The following TPST1 variants were observed in gnomAD, a reference collection of about 807,000 sequenced individuals.
The protein encoded by TPST1 is tyrosylprotein sulfotransferase 1.
TPST1 carries 20 observed loss-of-function variants against 34.8 expected under a neutral mutation model. The ratio of observed to expected loss-of-function variants is 0.57; its 90% CI spans 0.40 to 0.84. The LOEUF is 0.84. Among genes scored for constraint, TPST1 ranks in the 40% least tolerant of loss-of-function variants. The probability of loss-of-function intolerance (pLI) is 0.00; values close to 1 mark genes in which losing one functional copy is unlikely to be tolerated. For synonymous variants in TPST1, 152 were observed against 159.4 expected, an observed-to-expected ratio of 0.95 and a Z score of 0.35; for missense variants, 353 against 455.5, an observed-to-expected ratio of 0.78 and a Z score of 2.05.
intron 3 of TPST1, among the ~76,000 whole-genome samples, chr7:66,336,723 A>G (rs1792128992): frequency 6.6e-6 from 1 of 152,238 alleles, no homozygotes; most frequent in African/African-American, 2.4e-5. Flanking sequence ...ATCTAGAGAA[A>G]GATGACACTG....
chr7:66,328,823 CCTCT>C (rs1228077085), intron 3 of TPST1, among the ~76,000 whole-genome samples: 102 of 133,868 alleles, frequency 7.6e-4, no homozygotes, highest in Middle Eastern at 4.1e-3. Context: ...GGGATCCCAG[CCTCT>C]CTCTCTCTCT....
Position 66,254,002 on chromosome 7 carries a change from CAAAAAAA to C in TPST1, c.845+12744_845+12750del, listed in dbSNP as rs60795420. On this transcript the variant is annotated intron_variant, in intron 2 of 5. Transcript: ENST00000304842. ...TGGTTGACAGAGTGAGACTCTGTTT[CAAAAAAA>C]AAAAAAAAAAAGAAAGAAAGAAAAT... Among the ~76,000 whole-genome samples the C allele has an allele frequency of 3.9e-3, 438 of 113,572 alleles. 16 individuals are homozygous for C. The East Asian group carries it at 0.11, about 28-fold the overall frequency. The allele number at this position is 113,572 out of a possible 152,430, so 74.5% of individuals were successfully genotyped here.
chr7:66,238,586 G>A (rs1026417273), intron 1 of TPST1, among the ~76,000 whole-genome samples: 3 of 152,210 alleles, frequency 2.0e-5, no homozygotes, highest in African/African-American at 7.2e-5. Context: ...TCTTTTCCAG[G>A]AAACCTCAGT....
At chr7:66,274,194 C>T (rs1344418192) in intron 2 of TPST1, among the ~76,000 whole-genome samples, 2 of 151,586 alleles carry the variant, frequency 1.3e-5, no homozygotes, top group Admixed American at 6.6e-5. Flanking sequence ...CGGTGAAACC[C>T]CATTTCTACT....
intron 2 of TPST1, among the ~76,000 whole-genome samples, chr7:66,259,334 CTTA>C (rs1307396475): frequency 2.0e-5 from 3 of 152,056 alleles, no homozygotes; most frequent in Non-Finnish European, 4.4e-5. Flanking sequence ...GTTCATAATC[CTTA>C]TTATCATTTT....
chr7:66,354,450 A>G (rs1024260340), intron 4 of TPST1, among the ~76,000 whole-genome samples: 1 of 150,616 alleles, frequency 6.6e-6, no homozygotes, highest in Non-Finnish European at 1.5e-5. Flanking sequence ...TACTAAAAAT[A>G]TAAAATAATT....
At chr7:66,216,738 G>C (rs1206586123) in intron 1 of TPST1, among the ~76,000 whole-genome samples, 1 of 152,186 alleles carries the variant, frequency 6.6e-6, no homozygotes, top group Non-Finnish European at 1.5e-5. Flanking sequence ...AAAGTGCTGG[G>C]ATTACAGGCG....
upstream of TPST1, among the ~76,000 whole-genome samples, chr7:66,204,746 G>GC (rs1276299622): frequency 6.6e-6 from 1 of 152,198 alleles, no homozygotes; most frequent in East Asian, 1.9e-4. Flanking sequence ...TAGGGCGTCA[G>GC]CCCCCCACCT....
intron 3 of TPST1, among the ~76,000 whole-genome samples, chr7:66,296,170 A>C (rs1201804293): frequency 6.6e-6 from 1 of 151,998 alleles, no homozygotes; most frequent in Non-Finnish European, 1.5e-5. Flanking sequence ...CATGTGACTA[A>C]AGAATCTATT....
chr7:66,267,876 G>T (rs1249422424), intron 2 of TPST1, among the ~76,000 whole-genome samples: 1 of 152,150 alleles, frequency 6.6e-6, no homozygotes, highest in Non-Finnish European at 1.5e-5. Context: ...TATTGTACAT[G>T]TAGCAATGAG....
At chr7:66,274,253 A>G (rs1469812520) in intron 2 of TPST1, among the ~76,000 whole-genome samples, 2 of 151,932 alleles carry the variant, frequency 1.3e-5, no homozygotes, top group African/African-American at 4.8e-5. Context: ...CTGTAATCCC[A>G]GCTACTCAGG....
chr7:66,259,359 A>C (rs1456562416), intron 2 of TPST1, among the ~76,000 whole-genome samples: 2 of 152,154 alleles, frequency 1.3e-5, no homozygotes, highest in African/African-American at 4.8e-5. Context: ...AATCCATAGA[A>C]TCTGTAGTGA....
intron 3 of TPST1, among the ~76,000 whole-genome samples, chr7:66,348,399 C>T (rs1792399206): frequency 1.3e-5 from 2 of 152,192 alleles, no homozygotes; most frequent in Non-Finnish European, 2.9e-5. Context: ...AATAATACCT[C>T]CTCAGGAGAT....
chr7:66,318,641 A>ATTTT (rs1469478002), intron 3 of TPST1, among the ~76,000 whole-genome samples: 3 of 151,760 alleles, frequency 2.0e-5, no homozygotes, highest in African/African-American at 7.3e-5. Context: ...CAATTTTTGC[A>ATTTT]TTTTTAGTAG....
intron 3 of TPST1, among the ~76,000 whole-genome samples, chr7:66,305,515 T>C (rs1426152645): frequency 6.6e-6 from 1 of 152,214 alleles, no homozygotes; most frequent in Admixed American, 6.5e-5. Context: ...CATTGAGTAT[T>C]TTTTTCCCAT....
chr7:66,249,108 G>A, intron 2 of TPST1, among the ~76,000 whole-genome samples: 1 of 152,052 alleles, frequency 6.6e-6, no homozygotes, highest in East Asian at 1.9e-4. Context: ...TCCTAATACA[G>A]TCACATTGGT....
At chr7:66,272,400 G>A (rs888157910) in intron 2 of TPST1, among the ~76,000 whole-genome samples, 7 of 152,042 alleles carry the variant, frequency 4.6e-5, no homozygotes, top group Non-Finnish European at 8.8e-5. Flanking sequence ...TGCAGAAAAG[G>A]CATTTGACAA....
intron 2 of TPST1, among the ~76,000 whole-genome samples, chr7:66,276,153 T>C (rs1231883343): frequency 2.6e-5 from 4 of 151,752 alleles, no homozygotes; most frequent in African/African-American, 4.8e-5. Context: ...TAGCAGATAT[T>C]CTCAGATATA....
In TPST1 at chr7:66,255,358, A is replaced by G. The variant is rs1428195465; in HGVS notation, c.845+14088A>G. Among the ~76,000 whole-genome samples the G allele has an allele frequency of 2.0e-5, 3 of 152,164 alleles. No individual in the cohort carries two copies. The South Asian group carries it at 6.2e-4, about 32-fold the overall frequency. ...AAGAATTTATTCAGCCCCAAATGTC[A>G]GCTGTGCCAAGGTTGAGAAACTGTA... is the stretch of plus-strand genomic sequence containing the variant. On this transcript the variant is annotated intron_variant, in intron 2 of 5. Transcript: ENST00000304842.
Sources: allele counts gnomAD v4.1 joint callset (sites outside exome capture counted in the v4.1 genomes callset), GRCh38; gene constraint gnomAD v4.1.1; transcripts MANE v1.5; gene names NCBI Gene and HGNC (gene_info 2026-07-23, HGNC 2026-07-21).